SPATS2L: variants seen among roughly 807,000 people sequenced by gnomAD.
The protein encoded by SPATS2L is SPATS2-like protein.
A neutral mutation model predicts 59.6 loss-of-function variants in SPATS2L; 30 were observed. That is an observed-to-expected ratio of 0.50 (90% CI 0.38 to 0.68). SPATS2L has a LOEUF of 0.68. SPATS2L is among the 30% of genes least tolerant of loss of function. The pLI, the probability that SPATS2L is intolerant of heterozygous loss-of-function variation, is 0.00. For synonymous variants in SPATS2L, 252 were observed against 263.5 expected (o/e 0.96, Z 0.42); for missense variants, 615 against 700.0 (o/e 0.88, Z 1.37).
At chr2:200,308,916 T>C (rs1351603248) in intron 1 of SPATS2L, 2 of 631,312 alleles carry the variant, frequency 3.2e-6, no homozygotes, top group Non-Finnish European at 5.8e-6. Flanking sequence ...CTTCAGTAAA[T>C]AGTTTTTCTG....
At position 200,306,800 on chromosome 2, in the gene SPATS2L, G is replaced by A. The variant is rs968557011; in HGVS notation, c.-195G>A. The A allele has an allele frequency of 7.1e-6, 7 of 981,184 alleles. No homozygotes were observed. The highest frequency in any genetic ancestry group is 5.2e-4 in the Middle Eastern group (1 of 1,934). The allele number at this position is 981,184 out of a possible 1,614,324, so 60.8% of individuals were successfully genotyped here. ...CCGGACGGCGCGCGGCCCAGGCAGC[G>A]GCTCCCGCTCGGCCCGCCCTCCGAG... On this transcript the variant is annotated 5_prime_UTR_variant, in exon 1 of 13. Coordinates refer to ENST00000409140, the MANE Select transcript of SPATS2L (RefSeq NM_001100423.2).
chr2:200,418,422 A>T (rs2083157693), intron 5 of SPATS2L, among the ~76,000 whole-genome samples: 1 of 152,040 alleles, frequency 6.6e-6, no homozygotes, highest in Non-Finnish European at 1.5e-5. Context: ...AACATTTTAA[A>T]AAATAGCTGC....
chr2:200,397,398 A>G (rs938223088), intron 3 of SPATS2L, among the ~76,000 whole-genome samples: 8 of 152,300 alleles, frequency 5.3e-5, no homozygotes, highest in Admixed American at 2.6e-4. Flanking sequence ...GAAAATGACA[A>G]TGTTGGAAGG....
intron 4 of SPATS2L, among the ~76,000 whole-genome samples, chr2:200,412,760 T>C (rs2082922887): frequency 6.6e-6 from 1 of 152,142 alleles, no homozygotes; most frequent in African/African-American, 2.4e-5. Flanking sequence ...AATTTAATAT[T>C]AAATGTGTCC....
At chr2:200,403,848 C>G (rs535167505) in intron 3 of SPATS2L, among the ~76,000 whole-genome samples, 1 of 152,208 alleles carries the variant, frequency 6.6e-6, no homozygotes, top group Admixed American at 6.5e-5. Flanking sequence ...AAGGTCATTT[C>G]CTATCTCATT....
At chr2:200,470,475 A>G (rs1325005589) in intron 11 of SPATS2L, among the ~76,000 whole-genome samples, 1 of 152,214 alleles carries the variant, frequency 6.6e-6, no homozygotes, top group African/African-American at 2.4e-5. Flanking sequence ...GTGCTGAGTG[A>G]GGCTGCAGAT....
At chr2:200,388,935 C>CAAA (rs2082084198) in intron 2 of SPATS2L, among the ~76,000 whole-genome samples, 2 of 152,258 alleles carry the variant, frequency 1.3e-5, no homozygotes, top group Admixed American at 1.3e-4. Context: ...GACCACCTTT[C>CAAA]TTTTACATAA....
Position 200,324,825 on chromosome 2 carries a change from C to T in SPATS2L, c.-72-4606C>T, listed in dbSNP as rs950781139. On this transcript the variant is annotated intron_variant, in intron 1 of 12. Transcript: ENST00000409140. ...TCAGCAGAGCACAATTTCAATACAG[C>T]AGAAGACTTTGGAGAGTCCCTTGGA... 2.6e-5 allele frequency among the ~76,000 whole-genome samples: 4 copies of T among 152,162 alleles called. No homozygotes were observed. In the East Asian group the frequency reaches 7.7e-4, roughly 29 times the overall value.
chr2:200,459,918 A>G, intron 9 of SPATS2L, 91 bp downstream of exon 9: 1 of 960,242 alleles, frequency 1.0e-6, no homozygotes, highest in Non-Finnish European at 1.6e-6. Context: ...GCTTCTGAAC[A>G]GGGTCCTAAA....
At chr2:200,405,976 A>T (rs2082675697) in intron 3 of SPATS2L, among the ~76,000 whole-genome samples, 1 of 152,220 alleles carries the variant, frequency 6.6e-6, no homozygotes, top group Non-Finnish European at 1.5e-5. Context: ...TTAGAGATGC[A>T]CTTAAAAATG....
At chr2:200,405,082 T>A (rs529221012) in intron 3 of SPATS2L, among the ~76,000 whole-genome samples, 2 of 152,286 alleles carry the variant, frequency 1.3e-5, no homozygotes, top group South Asian at 4.1e-4. Flanking sequence ...TTCCAGGGGA[T>A]AAGGCCATGG....
chr2:200,322,830 C>G (rs951350732), intron 1 of SPATS2L, among the ~76,000 whole-genome samples: 1 of 152,164 alleles, frequency 6.6e-6, no homozygotes, highest in South Asian at 2.1e-4. Flanking sequence ...AAACCCAACT[C>G]TAGGAGTAAT....
intron 6 of SPATS2L, among the ~76,000 whole-genome samples, chr2:200,426,389 A>G (rs954632963): frequency 1.3e-5 from 2 of 152,158 alleles, no homozygotes; most frequent in Non-Finnish European, 2.9e-5. Flanking sequence ...CTATTAACAT[A>G]TATATAACTG....
chr2:200,477,386 C>T (rs1045330554), intron 12 of SPATS2L, among the ~76,000 whole-genome samples: 3 of 152,050 alleles, frequency 2.0e-5, no homozygotes, highest in African/African-American at 7.2e-5. Context: ...GTCTGTCTTA[C>T]ACTTCTGTAA....
Position 200,481,299 on chromosome 2 carries a change from T to C in SPATS2L, c.*3268T>C, listed in dbSNP as rs2087768690. Reference sequence around the variant, plus strand: ...TCTTAGGGAAGGACATCAAATGAGGTTAATGGGAAACGTTACCAGATTAAA... The same window carrying C: ...TCTTAGGGAAGGACATCAAATGAGGCTAATGGGAAACGTTACCAGATTAAA... On this transcript the variant is annotated 3_prime_UTR_variant, in exon 13 of 13. Transcript: ENST00000409140. 6.6e-6 allele frequency: 1 copy of C among 152,300 alleles called. No individual in the cohort carries two copies. The highest frequency in any genetic ancestry group is 2.4e-5 in the African/African-American group (1 of 41,560). 9.4% of individuals were successfully genotyped at this position (152,300 alleles called of 1,614,324 possible).
At chr2:200,384,226 A>AT (rs757568869) in intron 2 of SPATS2L, among the ~76,000 whole-genome samples, 7 of 152,148 alleles carry the variant, frequency 4.6e-5, no homozygotes, top group Non-Finnish European at 8.8e-5. Flanking sequence ...AAGCTAATAG[A>AT]TTTTCTGGCT....
chr2:200,466,133 T>G (rs1559158047), intron 9 of SPATS2L, among the ~76,000 whole-genome samples: 1 of 152,260 alleles, frequency 6.6e-6, no homozygotes, highest in African/African-American at 2.4e-5. Context: ...TTTGGGCTTT[T>G]GCAGTGACTA....
At chr2:200,453,617 G>A (rs996175282) in intron 8 of SPATS2L, among the ~76,000 whole-genome samples, 3 of 152,186 alleles carry the variant, frequency 2.0e-5, no homozygotes, top group Admixed American at 6.5e-5. Context: ...TAGCTAGTAC[G>A]GGGCAACTGT....
At chr2:200,406,499 G>C (rs1037098571) in intron 3 of SPATS2L, among the ~76,000 whole-genome samples, 1 of 151,906 alleles carries the variant, frequency 6.6e-6, no homozygotes, top group Non-Finnish European at 1.5e-5. Flanking sequence ...AGGAAGGAGA[G>C]AAAGTGAGGC....
Sources: allele counts gnomAD v4.1 joint callset (sites outside exome capture counted in the v4.1 genomes callset), GRCh38; gene constraint gnomAD v4.1.1; transcripts MANE v1.5; gene names NCBI Gene and HGNC (gene_info 2026-07-23, HGNC 2026-07-21).